The following UQCC2 variants were observed in gnomAD, a reference collection of about 807,000 sequenced individuals.
UQCC2 encodes the protein ubiquinol-cytochrome c reductase complex assembly factor 2.
Under a neutral mutation model 19.9 loss-of-function variants are expected in UQCC2, and 21 were observed. The ratio of observed to expected loss-of-function variants is 1.05; its 90% CI spans 0.75 to 1.52. The LOEUF is 1.52. UQCC2 is among the 40% of genes most tolerant of loss of function. The pLI is 0.00. For missense variants in UQCC2, 135 were observed against 157.5 expected (o/e 0.86, Z 0.76); for synonymous variants, 57 against 60.9 (o/e 0.94, Z 0.30).
chr6:33,708,436 C>G (rs1765725326), intron 1 of UQCC2, among the ~76,000 whole-genome samples: 1 of 152,140 alleles, frequency 6.6e-6, no homozygotes, highest in Non-Finnish European at 1.5e-5. Flanking sequence ...AAAATGGGAA[C>G]AGTAATGGCT....
intron 1 of UQCC2, among the ~76,000 whole-genome samples, chr6:33,705,221 T>C (rs1011587395): frequency 2.5e-4 from 38 of 152,104 alleles, no homozygotes; most frequent in Admixed American, 4.6e-4. Context: ...TTAGTAGAGA[T>C]GGGGTTTCAC....
At chr6:33,700,637 G>C (rs376107173) in intron 2 of UQCC2, 124 bp from the exon 3 acceptor site, 1 of 952,350 alleles carries the variant, frequency 1.1e-6, no homozygotes, top group Non-Finnish European at 1.7e-6. Context: ...AAGGAGAAGA[G>C]CAGCGCCACC....
intron 1 of UQCC2, among the ~76,000 whole-genome samples, chr6:33,706,516 C>T (rs1429871463): frequency 3.3e-5 from 5 of 152,284 alleles, no homozygotes; most frequent in East Asian, 3.9e-4. Context: ...CTGCGGAGCA[C>T]GGGCCGCTGC....
At chr6:33,709,339 G>A (rs1412408691) in intron 1 of UQCC2, among the ~76,000 whole-genome samples, 20 of 152,128 alleles carry the variant, frequency 1.3e-4, no homozygotes, top group Admixed American at 1.3e-3. Context: ...TGCTACATCT[G>A]AAACTATATT....
At chr6:33,698,890 T>C (rs1459623115) in intron 3 of UQCC2, among the ~76,000 whole-genome samples, 2 of 152,236 alleles carry the variant, frequency 1.3e-5, no homozygotes, top group East Asian at 3.8e-4. Context: ...GCATGTTAAA[T>C]TTTAGATATT....
chr6:33,703,854 T>C (rs1195999398), intron 1 of UQCC2, among the ~76,000 whole-genome samples: 1 of 152,220 alleles, frequency 6.6e-6, no homozygotes, highest in Non-Finnish European at 1.5e-5. Flanking sequence ...GCACAGTCCA[T>C]ATTCCAATTC....
chr6:33,700,633 A>G (rs1765628279), intron 2 of UQCC2, 120 bp from the exon 3 acceptor site: 2 of 994,256 alleles, frequency 2.0e-6, no homozygotes, highest in South Asian at 2.8e-5. Context: ...TAGCAAGGAG[A>G]AGAGCAGCGC....
At chr6:33,708,805 G>C (rs1040764849) in intron 1 of UQCC2, among the ~76,000 whole-genome samples, 18 of 152,326 alleles carry the variant, frequency 1.2e-4, no homozygotes, top group African/African-American at 4.3e-4. Context: ...TTCAATTCCA[G>C]CAAGGAATTG....
At chr6:33,704,080 G>T (rs498114) in intron 1 of UQCC2, among the ~76,000 whole-genome samples, 28,413 of 152,210 alleles carry the variant, frequency 0.19, 2,815 homozygotes, top group African/African-American at 0.2. Context: ...GATAAATGAG[G>T]TGACGCTTGG....
chr6:33,697,796 C>A, intron 3 of UQCC2, 46 bp from the exon 4 acceptor site: 1 of 1,531,506 alleles, frequency 6.5e-7, no homozygotes, highest in South Asian at 1.1e-5. Flanking sequence ...AAGTCTAAAA[C>A]TTGATGACAT....
Position 33,711,629 on chromosome 6 carries a change from C to T in UQCC2, c.58G>A (p.Glu20Lys). 2 of 1,614,072 alleles carry T rather than the reference C, an allele frequency of 1.2e-6. No homozygotes were observed. Among genetic ancestry groups the T allele is most frequent in the Non-Finnish European group, 1.7e-6 (2 of 1,179,956 alleles). The change falls in exon 1 of 4, where the codon GAG (glutamate) becomes AAG (lysine). Residue 20 changes from glutamate (E) to lysine (K), a missense_variant. Transcript: ENST00000607484. ...CCCAAGTCCCGGCCCCGTTTGGTCT[C>T]GTCCACTGGCCATTCCTCACAGAGC... ...LKLCEEWPVD[E>K]TKRGRDLGAY...
Position 33,704,591 on chromosome 6 carries a change from G to A in UQCC2, c.139-3171C>T, listed in dbSNP as rs1005531694. Among the ~76,000 whole-genome samples, 3 of 152,098 alleles carry A rather than the reference G, an allele frequency of 2.0e-5. No individual in the cohort carries two copies. The South Asian group carries it at 6.2e-4, about 32-fold the overall frequency. On this transcript the variant is annotated intron_variant, in intron 1 of 3. Coordinates refer to ENST00000607484, the MANE Select transcript of UQCC2 (RefSeq NM_032340.4). ...TGTACCTGGTCTTCACCTGATGGCC[G>A]CTTATCTGGACCTTCCCGTCCTGCC...
rs188980821 is a variant in UQCC2, at chr6:33,696,832, G to A, written c.*821C>T. 1.3e-5 allele frequency: 2 copies of A among 152,378 alleles called. No homozygotes were observed. Among genetic ancestry groups the A allele is most frequent in the South Asian group, 2.1e-4 (1 of 4,830 alleles). The allele number at this position is 152,378 out of a possible 1,614,324, so 9.4% of individuals were successfully genotyped here. On this transcript the variant is annotated 3_prime_UTR_variant, in exon 4 of 4. Coordinates refer to ENST00000607484, the MANE Select transcript of UQCC2 (RefSeq NM_032340.4). ...CATCCTGAGGAGTCTAGACACAGAC[G>A]AGGTTAAGAACCCACTTCCACTTTG...
chr6:33,697,927 C>T (rs1765586715), intron 3 of UQCC2, 177 bp from the exon 4 acceptor site: 1 of 599,220 alleles, frequency 1.7e-6, no homozygotes, highest in East Asian at 2.8e-5. Flanking sequence ...GAAGTGACCG[C>T]TTGCGGGGAC....
chr6:33,705,030 CTTCTT>C (rs1561890678), intron 1 of UQCC2, among the ~76,000 whole-genome samples: 1 of 134,366 alleles, frequency 7.4e-6, no homozygotes. Flanking sequence ...GGTACTCTCA[CTTCTT>C]TTTTTTTTTT....
intron 1 of UQCC2, among the ~76,000 whole-genome samples, chr6:33,703,481 C>T (rs1032967393): frequency 1.3e-5 from 2 of 152,092 alleles, no homozygotes; most frequent in Admixed American, 6.5e-5. Context: ...GCATGATTGG[C>T]CCATCTATGA....
intron 2 of UQCC2, 82 bp downstream of exon 2, chr6:33,701,264 C>T: frequency 6.9e-7 from 1 of 1,444,208 alleles, no homozygotes; most frequent in Non-Finnish European, 9.5e-7. Context: ...CTTTACAAAA[C>T]ATTACCTAAT....
intron 1 of UQCC2, among the ~76,000 whole-genome samples, chr6:33,708,488 A>G (rs1765726310): frequency 6.6e-6 from 1 of 152,216 alleles, no homozygotes; most frequent in Non-Finnish European, 1.5e-5. Flanking sequence ...TCACGCCGGC[A>G]AAGGTGCACT....
At chr6:33,701,728 G>A (rs1202881862) in intron 1 of UQCC2, among the ~76,000 whole-genome samples, 1 of 152,052 alleles carries the variant, frequency 6.6e-6, no homozygotes, top group Non-Finnish European at 1.5e-5. Context: ...AGTGGGAGAT[G>A]CCACAATAGA....
Sources: allele counts gnomAD v4.1 joint callset (sites outside exome capture counted in the v4.1 genomes callset), GRCh38; gene constraint gnomAD v4.1.1; transcripts MANE v1.5; gene names NCBI Gene and HGNC (gene_info 2026-07-23, HGNC 2026-07-21).